Variants in CDH7 observed in about 807,000 individuals in gnomAD.
The protein encoded by CDH7 is cadherin-7.
A neutral mutation model predicts 71.8 loss-of-function variants in CDH7; 25 were observed. The ratio of observed to expected loss-of-function variants is 0.35; its 90% confidence interval spans 0.25 to 0.49. The LOEUF (loss-of-function observed/expected upper bound fraction) is 0.49. Ranked by LOEUF, CDH7 falls within the 20% of genes least tolerant of loss-of-function variation. The pLI, the probability that CDH7 is intolerant of heterozygous loss-of-function variation, is 0.99. For synonymous variants in CDH7, 381 were observed against 363.8 expected (o/e 1.05, Z -0.54); for missense variants, 862 against 974.6 (o/e 0.88, Z 1.54).
In CDH7 at chr18:65,862,936, G is replaced by T. The variant is rs1209282587; in HGVS notation, c.1864+19G>T. On this transcript the variant is annotated intron_variant, in intron 11 of 11. Transcript: ENST00000397968. ...TTATTGGGTAGGTACTGTTTCCAGG[G>T]CTTGCTCTGAAAGAGCTGTCACAAT... 4 of 1,609,216 alleles carry T rather than the reference G, an allele frequency of 2.5e-6. No individual in the cohort carries two copies. Among genetic ancestry groups the T allele is most frequent in the Non-Finnish European group, 3.4e-6 (4 of 1,177,000 alleles).
chr18:65,759,395 G>A (rs1359537872), intron 1 of CDH7, among the ~76,000 whole-genome samples: 1 of 151,238 alleles, frequency 6.6e-6, no homozygotes, highest in African/African-American at 2.4e-5. Context: ...TAGGTGTGTG[G>A]CACCATGCCC....
chr18:65,816,141 T>C (rs1432859188), intron 4 of CDH7, among the ~76,000 whole-genome samples: 9 of 152,162 alleles, frequency 5.9e-5, no homozygotes, highest in African/African-American at 9.6e-5. Flanking sequence ...TGATTTTAAT[T>C]TCAGAGTTGA....
chr18:65,811,457 T>G (rs1229066862), intron 3 of CDH7, among the ~76,000 whole-genome samples: 1 of 152,174 alleles, frequency 6.6e-6, no homozygotes, highest in Non-Finnish European at 1.5e-5. Flanking sequence ...TGGCATGATC[T>G]TACTATAATT....
intron 2 of CDH7, among the ~76,000 whole-genome samples, chr18:65,798,540 G>A (rs1317445704): frequency 6.6e-6 from 1 of 152,184 alleles, no homozygotes; most frequent in Non-Finnish European, 1.5e-5. Context: ...TTTACCCATA[G>A]GGAATTTATT....
At chr18:65,819,921 C>T (rs1911858048) in intron 4 of CDH7, among the ~76,000 whole-genome samples, 1 of 150,074 alleles carries the variant, frequency 6.7e-6, no homozygotes, top group South Asian at 2.1e-4. Flanking sequence ...ATGCAGAACC[C>T]GTGTTCCTTT....
At chr18:65,764,152 A>T (rs1295873581) in intron 2 of CDH7, among the ~76,000 whole-genome samples, 2 of 152,064 alleles carry the variant, frequency 1.3e-5, no homozygotes, top group Non-Finnish European at 2.9e-5. Flanking sequence ...GATTTACTGC[A>T]TGGGTCGTTT....
intron 10 of CDH7, among the ~76,000 whole-genome samples, 192 bp from the exon 11 acceptor site, chr18:65,862,474 A>C (rs1913599105): frequency 6.6e-6 from 1 of 152,214 alleles, no homozygotes; most frequent in Non-Finnish European, 1.5e-5. Context: ...AATAACATAA[A>C]TGTCTTATAA....
chr18:65,779,257 C>CT (rs34051231), intron 2 of CDH7, among the ~76,000 whole-genome samples: 38,267 of 72,636 alleles, frequency 0.53, 11,073 homozygotes, highest in Admixed American at 0.63. Flanking sequence ...AGAAAACATT[C>CT]TTTTTTTTTT....
chr18:65,810,049 T>C (rs1911476741), intron 3 of CDH7, 51 bp downstream of exon 3: 9 of 1,473,830 alleles, frequency 6.1e-6, no homozygotes, highest in Non-Finnish European at 8.4e-6. Context: ...TTGGGGAGAT[T>C]TGTATTTAAA....
At chr18:65,799,569 G>C (rs138673593) in intron 2 of CDH7, among the ~76,000 whole-genome samples, 1,626 of 152,098 alleles carry the variant, frequency 0.011, 33 homozygotes, top group African/African-American at 0.037. Context: ...CCAGCTACTC[G>C]GGAGGCTGAG....
intron 3 of CDH7, among the ~76,000 whole-genome samples, chr18:65,811,652 C>T (rs368386514): frequency 7.9e-5 from 12 of 152,228 alleles, no homozygotes; most frequent in East Asian, 7.8e-4. Flanking sequence ...AGATTAGTAA[C>T]GTTTAGTAAA....
intron 2 of CDH7, among the ~76,000 whole-genome samples, chr18:65,804,463 A>G (rs1163038801): frequency 6.6e-6 from 1 of 152,160 alleles, no homozygotes; most frequent in East Asian, 1.9e-4. Flanking sequence ...GATATTTGCC[A>G]TTATCAGACT....
At chr18:65,823,230 C>T (rs1225934508) in intron 5 of CDH7, among the ~76,000 whole-genome samples, 3 of 151,718 alleles carry the variant, frequency 2.0e-5, no homozygotes, top group African/African-American at 7.3e-5. Context: ...AATGGTATCT[C>T]CTGGTAATAT....
At chr18:65,799,043 A>G (rs1378603371) in intron 2 of CDH7, among the ~76,000 whole-genome samples, 1 of 152,068 alleles carries the variant, frequency 6.6e-6, no homozygotes, top group East Asian at 1.9e-4. Context: ...TCCAGGTTGC[A>G]AGTGGTACTC....
rs560378214 is a variant in CDH7, at chr18:65,782,073, T to C, written c.210+19021T>C. The stretch of plus-strand genomic sequence containing the variant: ...TCCTTCCTTCCTTCCTTTCTTTCTT[T>C]CTTTCTTTCCTTCCTTCCTTCCTTC... On this transcript the variant is annotated intron_variant, in intron 2 of 11. Transcript: ENST00000397968. Among the ~76,000 whole-genome samples the C allele has an allele frequency of 7.7e-3, 472 of 61,410 alleles. 18 individuals are homozygous for C. The highest frequency in any genetic ancestry group is 9.7e-3 in the Non-Finnish European group (358 of 37,082). 40.3% of individuals were successfully genotyped at this position (61,410 alleles called of 152,430 possible).
Position 65,803,346 on chromosome 18 carries a change from T to C in CDH7, c.211-6358T>C, listed in dbSNP as rs534870272. 9 of 152,348 alleles carry C rather than the reference T, an allele frequency of 5.9e-5. No homozygotes were observed. In the South Asian group the frequency reaches 1.9e-3, roughly 32 times the overall value. The allele number at this position is 152,348 out of a possible 1,614,324, so 9.4% of individuals were successfully genotyped here. ...TAAAAACAATATGAGTAGTATTTTT[T>C]CTTTTCATTTGTTACTTAATAAAAG... On this transcript the variant is annotated intron_variant, in intron 2 of 11. Coordinates refer to ENST00000397968, the MANE Select transcript of CDH7 (RefSeq NM_004361.5).
At chr18:65,812,004 CT>C (rs1368935077) in intron 3 of CDH7, among the ~76,000 whole-genome samples, 6 of 126,432 alleles carry the variant, frequency 4.7e-5, no homozygotes, top group Non-Finnish European at 9.5e-5. Flanking sequence ...GAGTCTCACT[CT>C]GTTGACAGGC....
intron 1 of CDH7, among the ~76,000 whole-genome samples, chr18:65,762,281 T>C (rs1203938898): frequency 6.6e-6 from 1 of 152,152 alleles, no homozygotes; most frequent in East Asian, 1.9e-4. Context: ...TGAAAATCAC[T>C]GTAATATAAA....
At chr18:65,773,839 A>C (rs1030970141) in intron 2 of CDH7, among the ~76,000 whole-genome samples, 4 of 152,062 alleles carry the variant, frequency 2.6e-5, no homozygotes, top group African/African-American at 7.2e-5. Flanking sequence ...TTGCTGTGAG[A>C]GGATTTTGAG....
Sources: allele counts gnomAD v4.1 joint callset (sites outside exome capture counted in the v4.1 genomes callset), GRCh38; gene constraint gnomAD v4.1.1; transcripts MANE v1.5; gene names NCBI Gene and HGNC (gene_info 2026-07-23, HGNC 2026-07-21).